The following PHLPP1 variants were observed in gnomAD, a reference collection of about 807,000 sequenced individuals.
PHLPP1 encodes the protein PH domain leucine-rich repeat-containing protein phosphatase 1.
PHLPP1 carries 42 observed loss-of-function variants against 117.2 expected under a neutral mutation model. The ratio of observed to expected loss-of-function variants is 0.36; its 90% CI spans 0.28 to 0.46. PHLPP1 has a LOEUF of 0.46. Ranked by LOEUF, PHLPP1 falls within the 20% of genes least tolerant of loss-of-function variation. The probability of loss-of-function intolerance (pLI) is 1.00; values close to 1 mark genes in which losing one functional copy is unlikely to be tolerated. For synonymous variants in PHLPP1, 1,042 were observed against 970.7 expected, an observed-to-expected ratio of 1.07 and a Z score of -1.37; for missense variants, 2,084 against 2,241.9, an observed-to-expected ratio of 0.93 and a Z score of 1.42.
At chr18:62,720,893 TAAG>T (rs555322402) in intron 1 of PHLPP1, among the ~76,000 whole-genome samples, 278 of 152,274 alleles carry the variant, frequency 1.8e-3, no homozygotes, top group African/African-American at 6.5e-3. Flanking sequence ...AAAACAGTGT[TAAG>T]GAGGAGTCAG....
At chr18:62,905,176 G>A in intron 7 of PHLPP1, 48 bp from the exon 8 acceptor site, 1 of 1,206,720 alleles carries the variant, frequency 8.3e-7, no homozygotes, top group Non-Finnish European at 1.1e-6. Flanking sequence ...GAGTCTCTAT[G>A]TCATTTGTAT....
At chr18:62,912,974 G>A (rs762346478) in intron 8 of PHLPP1, among the ~76,000 whole-genome samples, 4 of 152,186 alleles carry the variant, frequency 2.6e-5, no homozygotes, top group Non-Finnish European at 5.9e-5. Context: ...TAAAAACAGT[G>A]TAATCAGCAA....
At chr18:62,748,434 A>G (rs969728374) in intron 1 of PHLPP1, among the ~76,000 whole-genome samples, 1 of 151,824 alleles carries the variant, frequency 6.6e-6, no homozygotes, top group Non-Finnish European at 1.5e-5. Flanking sequence ...TTCCGTAGAG[A>G]TGGGTTTTTG....
Position 62,716,524 on chromosome 18 carries a change from G to A in PHLPP1, c.841G>A (p.Val281Ile), listed in dbSNP as rs1201990563. The change falls in exon 1 of 17, where the codon GTA (valine) becomes ATA (isoleucine). Residue 281 changes from valine to isoleucine, a missense_variant. Coordinates refer to ENST00000262719, the MANE Select transcript of PHLPP1 (RefSeq NM_194449.4). The surrounding 1 kb of genome is among the most constrained non-coding windows in gnomAD (Gnocchi z 5.7). ...LAPPEPRDSE[V>I]PPARSAPGAF... ...GCCCCCGGAGCCGCGGGACTCGGAGGTACCGCCCGCGAGGAGCGCGCCGGG... is the reference window on the plus strand; with the variant it reads ...GCCCCCGGAGCCGCGGGACTCGGAGATACCGCCCGCGAGGAGCGCGCCGGG... 2.5e-6 allele frequency: 3 copies of A among 1,186,602 alleles called. No individual in the cohort carries two copies. The highest frequency in any genetic ancestry group is 4.6e-5 in the Admixed American group (1 of 21,978). The allele number at this position is 1,186,602 out of a possible 1,614,324, so 73.5% of individuals were successfully genotyped here.
At chr18:62,765,431 T>G (rs8090650) in intron 1 of PHLPP1, among the ~76,000 whole-genome samples, 16,663 of 152,242 alleles carry the variant, frequency 0.11, 1,702 homozygotes, top group African/African-American at 0.27. Context: ...AAGAAAATAT[T>G]CAAGCTGTAT....
intron 13 of PHLPP1, among the ~76,000 whole-genome samples, chr18:62,959,034 G>A (rs189880516): frequency 2.6e-5 from 4 of 152,294 alleles, no homozygotes; most frequent in Admixed American, 1.3e-4. Context: ...ACAGTGTAGC[G>A]CTGAAATCCA....
chr18:62,867,114 C>A (rs1915789420), intron 4 of PHLPP1, among the ~76,000 whole-genome samples: 1 of 152,144 alleles, frequency 6.6e-6, no homozygotes, highest in Non-Finnish European at 1.5e-5. Flanking sequence ...TCTTAATAAG[C>A]AGTGAAGTTT....
At chr18:62,800,539 C>T (rs1388352748) in intron 1 of PHLPP1, among the ~76,000 whole-genome samples, 7 of 151,168 alleles carry the variant, frequency 4.6e-5, no homozygotes, top group Non-Finnish European at 8.8e-5. Context: ...TAACATCTTT[C>T]ATTATATGCA....
At chr18:62,940,931 A>G (rs144247280) in intron 10 of PHLPP1, among the ~76,000 whole-genome samples, 169 of 152,278 alleles carry the variant, frequency 1.1e-3, no homozygotes, top group African/African-American at 3.9e-3. Context: ...AGTTACTGCC[A>G]TCCTGACTTC....
chr18:62,953,398 G>A (rs1910521090), intron 12 of PHLPP1, among the ~76,000 whole-genome samples: 14 of 152,066 alleles, frequency 9.2e-5, no homozygotes, highest in Middle Eastern at 3.2e-3. Context: ...CCTGCTATTA[G>A]CTCTCTCTAG....
rs1422684466 is a variant in PHLPP1, at chr18:62,715,782, AGCAGCGGCG to A, written c.102_110del (p.Ala38_Ala40del). The A allele has an allele frequency of 3.2e-4, 229 of 709,646 alleles. No homozygotes were observed. The highest frequency in any genetic ancestry group is 3.8e-4 in the Non-Finnish European group (218 of 575,416). The allele number at this position is 709,646 out of a possible 1,614,324, so 44.0% of individuals were successfully genotyped here. A position where few individuals can be genotyped will look rare whatever the true frequency, so the allele number is the denominator to read the frequency against. On this transcript the variant is annotated inframe_deletion, in exon 1 of 17. Coordinates refer to ENST00000262719, the MANE Select transcript of PHLPP1 (RefSeq NM_194449.4). The stretch of plus-strand genomic sequence containing the variant: ...CGGCCGCCGCTGCGGCAGCAGCAGC[AGCAGCGGCG>A]GCCGCGGCGGCTCTGGCGGCGGCGG...
chr18:62,733,466 A>G (rs988070111), intron 1 of PHLPP1, among the ~76,000 whole-genome samples: 1 of 152,190 alleles, frequency 6.6e-6, no homozygotes, highest in Non-Finnish European at 1.5e-5. Context: ...ATGTGACTTT[A>G]TTGTGATATT....
rs1909222854 is a variant in PHLPP1, at chr18:62,914,960, T to C, written c.2756T>C (p.Leu919Pro). ...GAGTGGGTATGTGAAAGCCGAAAGCTAGAAGTTTTGGATATTGGCCATAAT... is the reference window on the plus strand; with the variant it reads ...GAGTGGGTATGTGAAAGCCGAAAGCCAGAAGTTTTGGATATTGGCCATAAT... Reference protein sequence around the residue: ...VPEWVCESRKLEVLDIGHNQI... With the variant: ...VPEWVCESRKPEVLDIGHNQI... The change falls in exon 9 of 17, where the codon CTA becomes CCA. Residue 919 changes from leucine to proline, a missense_variant. Around this residue, in one of 2 missense-constraint regions of PHLPP1, gnomAD observed 1,365 missense variants for 1,605.9 expected, o/e 0.85. Transcript: ENST00000262719. The C allele has an allele frequency of 6.2e-7, 1 of 1,613,872 alleles. No homozygotes were observed.
chr18:62,880,585 T>C (rs548506057), intron 4 of PHLPP1, among the ~76,000 whole-genome samples: 32 of 152,280 alleles, frequency 2.1e-4, no homozygotes, highest in African/African-American at 7.5e-4. Flanking sequence ...TTGAATATCA[T>C]TGGCAATTAA....
intron 4 of PHLPP1, among the ~76,000 whole-genome samples, chr18:62,871,575 G>A (rs2144373065): frequency 6.6e-6 from 1 of 151,394 alleles, no homozygotes; most frequent in Middle Eastern, 3.4e-3. Flanking sequence ...TGATCTGACT[G>A]CCTCGGCCTC....
In PHLPP1 at chr18:62,861,842, G is replaced by A. The variant is rs1915639406; in HGVS notation, c.2066+1241G>A. ...CTTGACAAGTGGTCATTTCTTAAAT[G>A]TTAGTTCTAAAATGGAATCTAAAAC... On this transcript the variant is annotated intron_variant, in intron 4 of 16. Transcript: ENST00000262719. 1.3e-5 allele frequency among the ~76,000 whole-genome samples: 2 copies of A among 152,154 alleles called. 1 individual carries two copies. The highest frequency in any genetic ancestry group is 4.8e-5 in the African/African-American group (2 of 41,432).
chr18:62,878,218 A>G (rs886767784), intron 4 of PHLPP1, among the ~76,000 whole-genome samples: 2 of 152,204 alleles, frequency 1.3e-5, no homozygotes, highest in Admixed American at 1.3e-4. Flanking sequence ...ATAAGTATAG[A>G]GTAAAAGGAC....
intron 14 of PHLPP1, among the ~76,000 whole-genome samples, chr18:62,967,134 C>G (rs373457250): frequency 3.3e-5 from 5 of 152,294 alleles, no homozygotes; most frequent in Middle Eastern, 3.4e-3. Flanking sequence ...TTTACCCGTT[C>G]ACCATTTGAA....
chr18:62,763,612 T>C (rs1447835102), intron 1 of PHLPP1, among the ~76,000 whole-genome samples: 1 of 152,220 alleles, frequency 6.6e-6, no homozygotes, highest in Non-Finnish European at 1.5e-5. Flanking sequence ...CTCTCAGATC[T>C]TACTCTTTCT....
Sources: gnomAD v4.1 joint callset for allele counts (sites outside exome capture counted in the v4.1 genomes callset) on GRCh38, gnomAD v4.1.1 for gene constraint, gnomAD v4.1.1 regional missense constraint, Gnocchi (gnomAD v3.1) non-coding constraint, MANE v1.5 for transcripts, NCBI Gene and HGNC (gene_info 2026-07-23, HGNC 2026-07-21) for gene names.